The following EPB41L2 variants were observed in gnomAD, a reference collection of about 807,000 sequenced individuals.
The protein encoded by EPB41L2 is erythrocyte membrane protein band 4.1 like 2, also known as band 4.1-like protein 2.
Under a neutral mutation model 113.0 loss-of-function variants are expected in EPB41L2, and 43 were observed. The observed-to-expected ratio is 0.38, with a 90% confidence interval of 0.30 to 0.49. EPB41L2 has a LOEUF of 0.49. Ranked by LOEUF, EPB41L2 falls within the 20% of genes least tolerant of loss-of-function variation. EPB41L2 has a pLI of 0.95. For missense variants in EPB41L2, 1,147 were observed against 1,223.4 expected (o/e 0.94, Z 0.93); for synonymous variants, 442 against 436.7 (o/e 1.01, Z -0.15).
chr6:130,996,724 T>C (rs1303373493), intron 1 of EPB41L2, among the ~76,000 whole-genome samples: 5 of 152,226 alleles, frequency 3.3e-5, no homozygotes, highest in Non-Finnish European at 5.9e-5. Context: ...ATAATGCTGT[T>C]GCTTTAACCT....
chr6:131,025,621 T>C (rs1790691777), intron 1 of EPB41L2, among the ~76,000 whole-genome samples: 1 of 152,238 alleles, frequency 6.6e-6, no homozygotes, highest in Admixed American at 6.5e-5. Flanking sequence ...ACTCCAGAGT[T>C]GCCTCTGACT....
intron 1 of EPB41L2, among the ~76,000 whole-genome samples, chr6:130,990,142 G>A (rs565046911): frequency 8.5e-5 from 13 of 152,254 alleles, no homozygotes; most frequent in East Asian, 1.9e-4. Context: ...CTAAAATGGC[G>A]AAACCCTGCC....
At chr6:130,926,552 T>TA in intron 4 of EPB41L2, 53 bp downstream of exon 4, 6 of 1,327,042 alleles carry the variant, frequency 4.5e-6, no homozygotes, top group Middle Eastern at 2.1e-4. Context: ...AACTGGTTAA[T>TA]AAAAAAATAC....
chr6:131,051,196 C>T (rs184866289), intron 1 of EPB41L2, among the ~76,000 whole-genome samples: 93 of 152,084 alleles, frequency 6.1e-4, no homozygotes, highest in South Asian at 4.6e-3. Context: ...ACTCAATCAC[C>T]TGACTTTTCT....
At chr6:130,866,336 C>G (rs1280731924) in intron 16 of EPB41L2, among the ~76,000 whole-genome samples, 1 of 152,198 alleles carries the variant, frequency 6.6e-6, no homozygotes, top group Non-Finnish European at 1.5e-5. Context: ...AATTAATAGC[C>G]TAACAGTTTA....
At chr6:130,973,017 C>T (rs928394842) in intron 1 of EPB41L2, among the ~76,000 whole-genome samples, 35 of 149,512 alleles carry the variant, frequency 2.3e-4, no homozygotes, top group Admixed American at 2.3e-3. Context: ...GAGTCTGAGG[C>T]AGAAGAATCG....
chr6:130,993,070 T>C (rs929681190), intron 1 of EPB41L2, among the ~76,000 whole-genome samples: 1 of 152,158 alleles, frequency 6.6e-6, no homozygotes, highest in African/African-American at 2.4e-5. Flanking sequence ...CAAAGATAGC[T>C]CCTTAAATCA....
chr6:131,024,589 T>C (rs1046188652), intron 1 of EPB41L2, among the ~76,000 whole-genome samples: 1 of 152,206 alleles, frequency 6.6e-6, no homozygotes, highest in African/African-American at 2.4e-5. Flanking sequence ...TCAAATTCCC[T>C]GACTGCACCA....
chr6:130,932,196 T>C (rs1464028386), intron 3 of EPB41L2, among the ~76,000 whole-genome samples: 1 of 152,172 alleles, frequency 6.6e-6, no homozygotes. Flanking sequence ...AAAGTTTATC[T>C]AATTTTTCAG....
chr6:131,003,031 G>A (rs1784691856), intron 1 of EPB41L2, among the ~76,000 whole-genome samples: 1 of 152,162 alleles, frequency 6.6e-6, no homozygotes, highest in Non-Finnish European at 1.5e-5. Flanking sequence ...GTAGTTTTAA[G>A]CAAGTTATTT....
At chr6:131,030,492 C>A (rs1791918765) in intron 1 of EPB41L2, among the ~76,000 whole-genome samples, 1 of 152,260 alleles carries the variant, frequency 6.6e-6, no homozygotes, top group Non-Finnish European at 1.5e-5. Context: ...GTAATAAGAT[C>A]AAAGTAAAAT....
intron 19 of EPB41L2, 103 bp downstream of exon 19, chr6:130,858,028 T>C (rs1780831482): frequency 1.0e-5 from 9 of 902,372 alleles, no homozygotes; most frequent in Admixed American, 5.2e-5. Flanking sequence ...AAATGTACTA[T>C]AGGAAGAAGA....
chr6:130,952,248 G>C (rs1486755272), intron 3 of EPB41L2, among the ~76,000 whole-genome samples: 1 of 151,664 alleles, frequency 6.6e-6, no homozygotes, highest in Non-Finnish European at 1.5e-5. Context: ...GCAATATCTG[G>C]GGAAACTGAA....
chr6:131,044,018 G>GT (rs1562790142), intron 1 of EPB41L2, among the ~76,000 whole-genome samples: 19 of 127,010 alleles, frequency 1.5e-4, no homozygotes, highest in Non-Finnish European at 2.2e-4. Context: ...TCTAAATAAT[G>GT]CTTTTTTTTT....
chr6:131,031,598 T>C (rs745328954), intron 1 of EPB41L2, among the ~76,000 whole-genome samples: 5 of 152,136 alleles, frequency 3.3e-5, no homozygotes, highest in Non-Finnish European at 5.9e-5. Flanking sequence ...GTCATATGAA[T>C]TGCCACACAA....
chr6:130,847,546 T>C (rs976098062), intron 19 of EPB41L2, among the ~76,000 whole-genome samples: 4 of 152,122 alleles, frequency 2.6e-5, no homozygotes, highest in African/African-American at 9.7e-5. Context: ...AACAACAGAA[T>C]TGCATTATAT....
chr6:130,858,208 C>T lies in EPB41L2; in HGVS notation c.2946G>A (p.Gln982=). ...LAQAIREARE[Q]HPDMSVTRVV... ...CTCTTGTGACCGACATGTCAGGGTG[C>T]TGCTCTCTGGCTTCCCTGATCGCCT... Residue 982 remains glutamine (Q), a synonymous_variant, in exon 19 of 20, where the codon CAG becomes CAA. Transcript: ENST00000337057. 6.2e-7 allele frequency: 1 copy of T among 1,613,738 alleles called. No individual in the cohort carries two copies. The highest frequency in any genetic ancestry group is 8.5e-7 in the Non-Finnish European group (1 of 1,179,764).
chr6:131,053,108 C>G (rs930981022), intron 1 of EPB41L2, among the ~76,000 whole-genome samples: 2 of 152,012 alleles, frequency 1.3e-5, no homozygotes, highest in African/African-American at 2.4e-5. Flanking sequence ...GTTGGCTAGG[C>G]TGGTCTCAAA....
At chr6:130,991,820 T>G (rs148741880) in intron 1 of EPB41L2, among the ~76,000 whole-genome samples, 5 of 152,324 alleles carry the variant, frequency 3.3e-5, no homozygotes, top group Admixed American at 6.5e-5. Flanking sequence ...AGATTTGGTC[T>G]TTGTAGAAGA....
Sources: gnomAD v4.1 joint callset for allele counts (sites outside exome capture counted in the v4.1 genomes callset) on GRCh38, gnomAD v4.1.1 for gene constraint, MANE v1.5 for transcripts, NCBI Gene and HGNC (gene_info 2026-07-23, HGNC 2026-07-21) for gene names.